The following ST14 variants were observed in gnomAD, a reference collection of about 807,000 sequenced individuals.
ST14 encodes the protein ST14 transmembrane serine protease matriptase, also known as suppressor of tumorigenicity 14 protein.
Under a neutral mutation model 96.5 loss-of-function variants are expected in ST14, and 40 were observed. That is an observed-to-expected ratio of 0.41 (90% confidence interval 0.32 to 0.54). ST14 has a LOEUF of 0.54. Ranked by LOEUF, ST14 falls within the 20% of genes least tolerant of loss-of-function variation. ST14 has a pLI of 0.17. For synonymous variants in ST14, 506 were observed against 492.1 expected, an observed-to-expected ratio of 1.03 and a Z score of -0.37; for missense variants, 1,066 against 1,188.9, an observed-to-expected ratio of 0.90 and a Z score of 1.52.
At chr11:130,194,052 G>T in intron 7 of ST14, 97 bp from the exon 8 acceptor site, 1 of 1,515,676 alleles carries the variant, frequency 6.6e-7, no homozygotes. Context: ...AGTTAGGGGT[G>T]GGGTCCTCAG....
intron 1 of ST14, among the ~76,000 whole-genome samples, chr11:130,169,099 T>TG (rs1196778529): frequency 7.0e-6 from 1 of 142,232 alleles, no homozygotes; most frequent in Non-Finnish European, 1.5e-5. Flanking sequence ...TGGGTTTTTT[T>TG]TTTTTTTTTT....
intron 1 of ST14, among the ~76,000 whole-genome samples, chr11:130,182,514 T>C (rs4937495): frequency 0.83 from 125,670 of 152,050 alleles, 52,065 homozygotes; most frequent in East Asian, 0.96. Flanking sequence ...GTCTTTCTTA[T>C]CATTCACTGA....
chr11:130,183,302 G>A (rs1953211259), intron 1 of ST14, among the ~76,000 whole-genome samples: 1 of 152,226 alleles, frequency 6.6e-6, no homozygotes, highest in Non-Finnish European at 1.5e-5. Flanking sequence ...TCTGTTCAGA[G>A]TGTAGCCGAA....
intron 1 of ST14, among the ~76,000 whole-genome samples, chr11:130,167,973 C>T (rs1953056863): frequency 6.6e-6 from 1 of 152,220 alleles, no homozygotes. Context: ...CCTTGAACTC[C>T]CAAAGTGCTG....
At chr11:130,178,770 C>T (rs1179889582) in intron 1 of ST14, among the ~76,000 whole-genome samples, 1 of 152,144 alleles carries the variant, frequency 6.6e-6, no homozygotes, top group Non-Finnish European at 1.5e-5. Flanking sequence ...ACCTGTTTTC[C>T]AGCAGCTCCT....
intron 1 of ST14, among the ~76,000 whole-genome samples, chr11:130,179,506 C>G (rs1482291566): frequency 6.6e-6 from 1 of 152,150 alleles, no homozygotes. Flanking sequence ...TTTATGAGGC[C>G]CCGTGCTGGG....
At chr11:130,194,452 C>T (rs531239421) in intron 8 of ST14, among the ~76,000 whole-genome samples, 164 bp downstream of exon 8, 51 of 152,344 alleles carry the variant, frequency 3.3e-4, no homozygotes, top group African/African-American at 1.1e-3. Flanking sequence ...GGCATCTGGC[C>T]GACCGCCTGG....
chr11:130,191,435 A>G (rs1953298335), intron 7 of ST14, among the ~76,000 whole-genome samples: 1 of 152,166 alleles, frequency 6.6e-6, no homozygotes, highest in Non-Finnish European at 1.5e-5. Context: ...CACGCCTGTA[A>G]GCCCAGCACT....
chr11:130,179,284 TA>T (rs1404700767), intron 1 of ST14, among the ~76,000 whole-genome samples: 4 of 152,194 alleles, frequency 2.6e-5, no homozygotes, highest in Non-Finnish European at 5.9e-5. Flanking sequence ...AGTTGATTGT[TA>T]TTGTTCTTTT....
intron 1 of ST14, among the ~76,000 whole-genome samples, chr11:130,160,757 A>G (rs1952992939): frequency 6.6e-6 from 1 of 152,194 alleles, no homozygotes; most frequent in Non-Finnish European, 1.5e-5. Flanking sequence ...TCTCAAAAAG[A>G]TTACATGTTC....
intron 1 of ST14, among the ~76,000 whole-genome samples, chr11:130,184,763 G>T (rs1156509928): frequency 2.0e-5 from 3 of 152,190 alleles, no homozygotes; most frequent in Non-Finnish European, 4.4e-5. Context: ...GTGGGCTTGA[G>T]AACCCCAGGT....
At chr11:130,193,278 C>T (rs1479359834) in intron 7 of ST14, among the ~76,000 whole-genome samples, 4 of 151,920 alleles carry the variant, frequency 2.6e-5, no homozygotes, top group Non-Finnish European at 4.4e-5. Context: ...GGAGATGAGG[C>T]GTTACCCAGG....
intron 16 of ST14, among the ~76,000 whole-genome samples, chr11:130,203,251 G>A (rs942277216): frequency 6.6e-6 from 1 of 152,114 alleles, no homozygotes; most frequent in East Asian, 1.9e-4. Flanking sequence ...GAGGGACAAG[G>A]ATGGCTCTCC....
chr11:130,195,815 T>C (rs1328849475), intron 9 of ST14, among the ~76,000 whole-genome samples: 1 of 147,806 alleles, frequency 6.8e-6, no homozygotes, highest in Non-Finnish European at 1.5e-5. Flanking sequence ...ATCTTGCCAC[T>C]GTACTCCAGT....
rs139564261 is a variant in ST14, at chr11:130,196,628, C to A, written c.1282C>A (p.Arg428Ser). 1 of 1,613,686 alleles carries A rather than the reference C, an allele frequency of 6.2e-7. No homozygotes were observed. The highest frequency in any genetic ancestry group is 1.3e-5 in the African/African-American group (1 of 74,980). ...CAGCAACAGCAACAAGATCACAGTTCGCTTCCACTCAGATCAGTCCTACAC... is the reference window on the plus strand; with the variant it reads ...CAGCAACAGCAACAAGATCACAGTTAGCTTCCACTCAGATCAGTCCTACAC... Reference protein sequence around the residue: ...VTSNSNKITVRFHSDQSYTDT... With the variant: ...VTSNSNKITVSFHSDQSYTDT... Residue 428 changes from arginine (R) to serine (S), a missense_variant, in exon 11 of 19, where the codon CGC (arginine) becomes AGC (serine). Arg to Ser is a moderately radical substitution (Grantham distance 110). Transcript: ENST00000278742.
chr11:130,190,256 A>G, intron 6 of ST14, 108 bp downstream of exon 6: 1 of 1,513,144 alleles, frequency 6.6e-7, no homozygotes, highest in South Asian at 1.1e-5. Flanking sequence ...AATGAAGTAT[A>G]TTATGACGAT....
intron 5 of ST14, 83 bp downstream of exon 5, chr11:130,189,979 C>G (rs140853902): frequency 6.2e-7 from 1 of 1,610,180 alleles, no homozygotes; most frequent in East Asian, 2.2e-5. Context: ...TGCAGGGGAC[C>G]GGCACTCCCA....
intron 16 of ST14, among the ~76,000 whole-genome samples, chr11:130,204,940 T>G (rs1953471148): frequency 1.3e-5 from 2 of 152,210 alleles, no homozygotes; most frequent in South Asian, 4.1e-4. Context: ...GGAGGTGCCC[T>G]GGCTGGGTGG....
rs544193441 is a variant in ST14 at position 130,181,762 on chromosome 11, G to A, written c.82-6352G>A. Among the ~76,000 whole-genome samples, 2 of 152,200 alleles carry A rather than the reference G, an allele frequency of 1.3e-5. No individual in the cohort carries two copies. The highest frequency in any genetic ancestry group is 1.9e-4 in the East Asian group (1 of 5,180). On this transcript the variant is annotated intron_variant, in intron 1 of 18. Coordinates refer to ENST00000278742, the MANE Select transcript of ST14 (RefSeq NM_021978.4). This position sits in a 1 kb window ranked among gnomAD's most constrained non-coding sequence, Gnocchi z 4.1. ...TCCTCAGTGTTCTTATCAATAAAAC[G>A]ATGGGATTATGCAACAGTATCTCTG...
Sources: allele counts gnomAD v4.1 joint callset (sites outside exome capture counted in the v4.1 genomes callset), GRCh38; gene constraint gnomAD v4.1.1; non-coding constraint Gnocchi (gnomAD v3.1); transcripts MANE v1.5; gene names NCBI Gene and HGNC (gene_info 2026-07-23, HGNC 2026-07-21).